GRIK2: variants seen among roughly 807,000 people sequenced by gnomAD.
The protein encoded by GRIK2 is glutamate receptor ionotropic, kainate 2.
Under a neutral mutation model 100.3 loss-of-function variants are expected in GRIK2, and 32 were observed. That is an observed-to-expected ratio of 0.32 (90% CI 0.24 to 0.43). The LOEUF (loss-of-function observed/expected upper bound fraction) is 0.43, where lower values mean the gene tolerates loss of function less well. Among genes scored for constraint, GRIK2 ranks in the 20% least tolerant of loss-of-function variants. The probability of loss-of-function intolerance (pLI) is 1.00; values close to 1 mark genes in which losing one functional copy is unlikely to be tolerated. For synonymous variants in GRIK2, 417 were observed against 389.4 expected (o/e 1.07, Z -0.83); for missense variants, 843 against 1,114.9 (o/e 0.76, Z 3.47).
intron 7 of GRIK2, among the ~76,000 whole-genome samples, chr6:101,749,282 T>A (rs962593091): frequency 5.9e-5 from 9 of 152,110 alleles, no homozygotes; most frequent in African/African-American, 2.2e-4. Flanking sequence ...ATAATTTTTG[T>A]ATTTTTAATA....
intron 2 of GRIK2, among the ~76,000 whole-genome samples, chr6:101,525,069 C>G (rs1775083404): frequency 6.6e-6 from 1 of 152,084 alleles, no homozygotes; most frequent in Non-Finnish European, 1.5e-5. Flanking sequence ...ATGAAACATT[C>G]AACTCACCAG....
intron 14 of GRIK2, among the ~76,000 whole-genome samples, chr6:101,974,746 C>G (rs1011140890): frequency 3.3e-5 from 5 of 151,990 alleles, no homozygotes; most frequent in Non-Finnish European, 5.9e-5. Flanking sequence ...AAAATAGCTT[C>G]AAGCATCACC....
chr6:101,394,276 C>T (rs1774914257), intron 1 of GRIK2, among the ~76,000 whole-genome samples: 1 of 152,100 alleles, frequency 6.6e-6, no homozygotes, highest in East Asian at 1.9e-4. Context: ...CTTAGTTCTG[C>T]GCTGAGGAAG....
chr6:101,674,470 G>T (rs1770678863), intron 4 of GRIK2, among the ~76,000 whole-genome samples: 1 of 152,150 alleles, frequency 6.6e-6, no homozygotes, highest in South Asian at 2.1e-4. Context: ...CATGTTCAAA[G>T]AAATATATAG....
chr6:102,035,358 G>A lies in GRIK2; in HGVS notation c.2103G>A (p.Thr701=), dbSNP rs556175755. 1.4e-5 allele frequency: 22 copies of A among 1,598,326 alleles called. 1 individual carries two copies. The highest frequency in any genetic ancestry group is 6.7e-5 in the African/African-American group (5 of 74,172). Residue 701 remains threonine (T), a synonymous_variant, in exon 15 of 17, where the codon ACG becomes ACA. Transcript: ENST00000369134. ...MTFFKKSKIS[T]YDKMWAFMSS... ...TTCTTCAGAAATCAAAAATCTCCAC[G>A]TATGACAAAATGTGGGCCTTTATGA...
intron 14 of GRIK2, among the ~76,000 whole-genome samples, chr6:102,020,955 T>C (rs1769389967): frequency 6.6e-6 from 1 of 151,794 alleles, no homozygotes; most frequent in Admixed American, 6.6e-5. Flanking sequence ...AATTTATATG[T>C]ACATATTTGA....
chr6:101,928,949 A>G (rs1370187458), intron 14 of GRIK2, among the ~76,000 whole-genome samples: 4 of 152,192 alleles, frequency 2.6e-5, no homozygotes, highest in Non-Finnish European at 4.4e-5. Context: ...TTGAAACTGT[A>G]ATAGTAGGAT....
At chr6:101,506,427 T>C (rs956355746) in intron 2 of GRIK2, among the ~76,000 whole-genome samples, 1 of 152,174 alleles carries the variant, frequency 6.6e-6, no homozygotes, top group African/African-American at 2.4e-5. Context: ...GCCAAACATA[T>C]TTAATTTAAA....
chr6:102,023,210 T>TTTGA (rs1381983993), intron 14 of GRIK2, among the ~76,000 whole-genome samples: 2 of 151,682 alleles, frequency 1.3e-5, no homozygotes, highest in Admixed American at 1.3e-4. Flanking sequence ...AATAAAATTC[T>TTTGA]TTGATTAATT....
chr6:101,744,856 C>G (rs1447283899), intron 7 of GRIK2: 1 of 152,096 alleles, frequency 6.6e-6, no homozygotes, highest in Non-Finnish European at 1.5e-5. Context: ...GCTGGGATTA[C>G]AGGCAAGAGC....
intron 9 of GRIK2, among the ~76,000 whole-genome samples, chr6:101,807,113 C>A (rs1400151921): frequency 6.6e-6 from 1 of 151,890 alleles, no homozygotes; most frequent in Non-Finnish European, 1.5e-5. Flanking sequence ...GTGTCTGATG[C>A]AGAGTTATTT....
At chr6:101,704,850 A>G (rs953661260) in intron 7 of GRIK2, among the ~76,000 whole-genome samples, 2 of 151,030 alleles carry the variant, frequency 1.3e-5, no homozygotes, top group African/African-American at 4.8e-5. Context: ...ATTGAGTTCT[A>G]TCATCTTCAT....
At chr6:101,995,720 A>G (rs767944600) in intron 14 of GRIK2, among the ~76,000 whole-genome samples, 33 of 151,934 alleles carry the variant, frequency 2.2e-4, no homozygotes, top group Non-Finnish European at 4.0e-4. Context: ...GTGTGTGTGC[A>G]TTTATGTGTG....
intron 7 of GRIK2, among the ~76,000 whole-genome samples, chr6:101,709,408 C>G (rs1254628281): frequency 6.6e-6 from 1 of 151,838 alleles, no homozygotes; most frequent in African/African-American, 2.4e-5. Flanking sequence ...TCTTTACCCT[C>G]ATAGTCACCA....
intron 2 of GRIK2, among the ~76,000 whole-genome samples, chr6:101,600,337 G>A (rs1779151082): frequency 1.3e-5 from 2 of 151,718 alleles, no homozygotes; most frequent in Non-Finnish European, 2.9e-5. Context: ...ATAATGTAAT[G>A]CTCCTGGCTT....
chr6:101,519,523 A>T (rs1774766385), intron 2 of GRIK2, among the ~76,000 whole-genome samples: 2 of 152,090 alleles, frequency 1.3e-5, no homozygotes, highest in Admixed American at 1.3e-4. Flanking sequence ...TGAGATTGGT[A>T]AACCCATTTT....
chr6:101,783,164 C>A (rs529192134), intron 7 of GRIK2, among the ~76,000 whole-genome samples: 2 of 152,144 alleles, frequency 1.3e-5, no homozygotes, highest in African/African-American at 4.8e-5. Context: ...GGCCTCAAAT[C>A]TCATTTTGAA....
At chr6:101,903,206 G>A (rs1033174938) in intron 12 of GRIK2, among the ~76,000 whole-genome samples, 4 of 151,842 alleles carry the variant, frequency 2.6e-5, no homozygotes, top group Non-Finnish European at 5.9e-5. Flanking sequence ...CGCCCTAGCT[G>A]CAAGAGAGGC....
At chr6:101,648,447 A>G (rs1781630384) in intron 4 of GRIK2, among the ~76,000 whole-genome samples, 2 of 152,228 alleles carry the variant, frequency 1.3e-5, no homozygotes, top group South Asian at 4.1e-4. Flanking sequence ...ATCAGAAACC[A>G]TGAATTGTTA....
Sources: allele counts gnomAD v4.1 joint callset (sites outside exome capture counted in the v4.1 genomes callset), GRCh38; gene constraint gnomAD v4.1.1; transcripts MANE v1.5; gene names NCBI Gene and HGNC (gene_info 2026-07-23, HGNC 2026-07-21).